Variants in MISFA observed in about 807,000 individuals in gnomAD.
MISFA encodes the protein mitochondrial sheath formation associated, also known as mitochondrial sheath formation-associated protein.
the MISFA span, chr11:18,606,985 C>T: frequency 1.4e-5 from 4 of 289,592 alleles, no homozygotes; most frequent in African/African-American, 2.4e-5. Flanking sequence ...CTCAGCCTCC[C>T]CGGTAGCTGG....
chr11:18,602,865 C>T, the MISFA span: 1 of 350,526 alleles, frequency 2.9e-6, no homozygotes, highest in Non-Finnish European at 5.1e-6. Flanking sequence ...CCTGGCCAAC[C>T]ATCCCATAGG....
chr11:18,605,220 A>T, the MISFA span, among the ~76,000 whole-genome samples: 1 of 151,094 alleles, frequency 6.6e-6, no homozygotes, highest in African/African-American at 2.4e-5. Context: ...AGCCTGGGTG[A>T]CAAAGCAAGA....
At chr11:18,603,812 T>C in the MISFA span, 2 of 398,702 alleles carry the variant, frequency 5.0e-6, no homozygotes, top group African/African-American at 4.1e-5. Flanking sequence ...GGTGAAGTAA[T>C]GCAGCTGTGA....
At chr11:18,609,599 T>G in the MISFA span, 1 of 465,086 alleles carries the variant, frequency 2.2e-6, no homozygotes, top group African/African-American at 2.0e-5. Context: ...GCATAGCTCA[T>G]CAGGATCAAG....
the MISFA span, chr11:18,602,881 A>G: frequency 5.5e-6 from 2 of 362,932 alleles, no homozygotes; most frequent in Non-Finnish European, 9.8e-6. Flanking sequence ...ATAGGTGCTC[A>G]TGCTGACTGG....
the MISFA span, chr11:18,600,980 G>T: frequency 2.5e-6 from 1 of 397,248 alleles, no homozygotes; most frequent in East Asian, 3.6e-5. Context: ...GAAGGGGGAC[G>T]GTAGGGATTG....
At chr11:18,605,048 G>A in the MISFA span, among the ~76,000 whole-genome samples, 3 of 152,084 alleles carry the variant, frequency 2.0e-5, no homozygotes, top group Non-Finnish European at 4.4e-5. Context: ...TTCGAGACCC[G>A]CTTGGCCAAC....
chr11:18,602,038 C>T, the MISFA span: 2 of 152,176 alleles, frequency 1.3e-5, no homozygotes, highest in African/African-American at 4.8e-5. Flanking sequence ...TACCTGAGGC[C>T]ACACACAGTA....
chr11:18,607,262 C>T, the MISFA span: 2 of 153,046 alleles, frequency 1.3e-5, no homozygotes, highest in Admixed American at 1.3e-4. Flanking sequence ...GACACAACTG[C>T]ATTTATAGTT....
the MISFA span, chr11:18,602,120 A>T: frequency 9.2e-5 from 14 of 152,196 alleles, no homozygotes; most frequent in African/African-American, 3.1e-4. Context: ...TACTCATTCC[A>T]CTAGACCAGC....
chr11:18,605,867 G>A, the MISFA span, among the ~76,000 whole-genome samples: 3 of 152,068 alleles, frequency 2.0e-5, no homozygotes, highest in East Asian at 1.9e-4. Context: ...TAGTAGAGAC[G>A]GAGTTTTGCC....
At chr11:18,609,776 AATG>A in the MISFA span, 3 of 1,238,170 alleles carry the variant, frequency 2.4e-6, no homozygotes, top group Non-Finnish European at 3.5e-6. Flanking sequence ...ATAAATCTAA[AATG>A]ATAAGGGGGC....
At chr11:18,606,832 G>A in the MISFA span, 1 of 364,302 alleles carries the variant, frequency 2.7e-6, no homozygotes, top group Non-Finnish European at 5.1e-6. Flanking sequence ...AAATCTTGGG[G>A]ATTACATTAA....
chr11:18,603,789 C>T, the MISFA span: 1 of 399,084 alleles, frequency 2.5e-6, no homozygotes. Context: ...TGGAAGTAAG[C>T]AAGGATGATC....
At chr11:18,599,956 G>A in the MISFA span, 2 of 399,066 alleles carry the variant, frequency 5.0e-6, no homozygotes, top group Non-Finnish European at 8.8e-6. Flanking sequence ...GATGTTTTTT[G>A]TTGGACTTGT....
chr11:18,608,613 C>G, the MISFA span: 1 of 152,184 alleles, frequency 6.6e-6, no homozygotes, highest in Non-Finnish European at 1.5e-5. Context: ...GCTGACAGTT[C>G]TTGAGACTTG....
chr11:18,601,535 G>C, the MISFA span: 1 of 397,382 alleles, frequency 2.5e-6, no homozygotes, highest in Non-Finnish European at 4.4e-6. Context: ...CAGCTTCTTG[G>C]GTAGCTGATC....
the MISFA span, chr11:18,607,391 T>C: frequency 6.6e-6 from 1 of 152,596 alleles, no homozygotes; most frequent in Admixed American, 6.6e-5. Context: ...GAAAACTACT[T>C]TCCTTTCACA....
At chr11:18,605,138 G>A in the MISFA span, among the ~76,000 whole-genome samples, 1 of 152,094 alleles carries the variant, frequency 6.6e-6, no homozygotes, top group Non-Finnish European at 1.5e-5. Flanking sequence ...AGCTACTTGG[G>A]AGGCTGAGGC....
Sources: gnomAD v4.1 joint callset for allele counts (sites outside exome capture counted in the v4.1 genomes callset) on GRCh38, gnomAD v4.1.1 for gene constraint, MANE v1.5 for transcripts, NCBI Gene and HGNC (gene_info 2026-07-23, HGNC 2026-07-21) for gene names.